IFT46: variants seen among roughly 807,000 people sequenced by gnomAD.
IFT46 encodes intraflagellar transport protein 46 homolog.
Under a neutral mutation model 39.6 loss-of-function variants are expected in IFT46, and 19 were observed. That is an observed-to-expected ratio of 0.48 (90% CI 0.33 to 0.70). The LOEUF (loss-of-function observed/expected upper bound fraction) is 0.70, where lower values mean the gene tolerates loss of function less well. Among genes scored for constraint, IFT46 ranks in the 30% least tolerant of loss-of-function variants. IFT46 has a pLI of 0.01. For missense variants in IFT46, 334 were observed against 364.8 expected, an observed-to-expected ratio of 0.92 and a Z score of 0.69; for synonymous variants, 117 against 134.8, an observed-to-expected ratio of 0.87 and a Z score of 0.91.
chr11:118,561,131 G>C (rs538917493), intron 2 of IFT46: 1 of 1,480,444 alleles, frequency 6.8e-7, no homozygotes, highest in African/African-American at 1.4e-5. Context: ...TTTGGATACA[G>C]GTCTTGCCAG....
At chr11:118,545,293 G>A (rs1951650761) in intron 11 of IFT46, 116 bp downstream of exon 11, 2 of 829,130 alleles carry the variant, frequency 2.4e-6, no homozygotes, top group Non-Finnish European at 4.0e-6. Context: ...AAGGGCGAAG[G>A]TAACTGGGCA....
Position 118,552,230 on chromosome 11 carries a change from T to C in IFT46, c.589A>G (p.Thr197Ala), listed in dbSNP as rs961570694. ...ATTTCTTACCTGGTGTAGTGCACAGTCGCAGGGGGCTTAGAACGGTGTAAT... is the reference window on the plus strand; with the variant it reads ...ATTTCTTACCTGGTGTAGTGCACAGCCGCAGGGGGCTTAGAACGGTGTAAT... Reference protein sequence around the residue: ...SELHRSKPPATVHYTRPMPDI... With the variant: ...SELHRSKPPAAVHYTRPMPDI... Residue 197 changes from threonine (T) to alanine (A), a missense_variant, in exon 8 of 12, where the codon ACT (threonine) becomes GCT (alanine). Physicochemically the swap from Thr to Ala is moderately conservative, Grantham distance 58 (BLOSUM62 0). Transcript: ENST00000264021. 2 of 1,614,142 alleles carry C rather than the reference T, an allele frequency of 1.2e-6. No homozygotes were observed. The highest frequency in any genetic ancestry group is 1.7e-6 in the Non-Finnish European group (2 of 1,180,032).
chr11:118,554,630 CA>C (rs782292215), intron 6 of IFT46, 43 bp from the exon 7 acceptor site: 1 of 1,557,976 alleles, frequency 6.4e-7, no homozygotes, highest in African/African-American at 1.4e-5. Context: ...AAAATGTTTC[CA>C]ATAAGTTAAG....
At chr11:118,575,818 G>T (rs1409693014), upstream of IFT46, among the ~76,000 whole-genome samples, 1 of 152,118 alleles carries the variant, frequency 6.6e-6, no homozygotes, top group Non-Finnish European at 1.5e-5. Context: ...TATACCACCT[G>T]TTATTCTTGT....
rs1951655695 is a variant in IFT46, at chr11:118,545,440, A to G, written c.788T>C (p.Phe263Ser). 6.2e-7 allele frequency: 1 copy of G among 1,613,594 alleles called. No homozygotes were observed. Among genetic ancestry groups the G allele is most frequent in the African/African-American group, 1.3e-5 (1 of 74,922 alleles). ...KSRIQSLHLL[F>S]SLYSEFKNSQ... ...GTTCTTGAATTCTGAGTAGAGGGAA[A>G]AGAGCAGATGGAGGGACTGGATCCG... Residue 263 changes from phenylalanine (F) to serine (S), a missense_variant, in exon 11 of 12, where the codon TTT becomes TCT. By Grantham distance (155) the Phe-to-Ser change is radical (BLOSUM62 -2). Coordinates refer to ENST00000264021, the MANE Select transcript of IFT46 (RefSeq NM_001168618.2).
upstream of IFT46, among the ~76,000 whole-genome samples, chr11:118,575,411 G>GGTGTGTGTGTGTGTGTGTGTGTGT (rs56934953): frequency 8.0e-5 from 12 of 149,188 alleles, no homozygotes; most frequent in African/African-American, 2.9e-4. Flanking sequence ...ACTGATAACG[G>GGTGTGTGTGTGTGTGTGTGTGTGT]GTGTGTGTGT....
intron 6 of IFT46, 98 bp from the exon 7 acceptor site, chr11:118,554,685 C>A: frequency 7.9e-7 from 1 of 1,268,194 alleles, no homozygotes; most frequent in Non-Finnish European, 1.1e-6. Context: ...GTATTAAAAG[C>A]ATGCTTATCA....
intron 4 of IFT46, 94 bp downstream of exon 4, chr11:118,556,812 G>A: frequency 1.4e-6 from 2 of 1,392,186 alleles, no homozygotes; most frequent in Middle Eastern, 2.1e-4. Context: ...CAAAAGAGAT[G>A]CTGGAATTTC....
exon 1 of IFT46, chr11:118,572,775 C>G: frequency 2.0e-6 from 1 of 490,462 alleles, no homozygotes; most frequent in East Asian, 3.4e-5. Flanking sequence ...CGCACCACCC[C>G]CCAACCAGCT....
intron 4 of IFT46, chr11:118,555,738 A>G: frequency 5.8e-6 from 1 of 171,378 alleles, no homozygotes; most frequent in Non-Finnish European, 1.2e-5. Context: ...CCTGGCCAAC[A>G]TGGTTGAAAC....
chr11:118,545,195 C>A (rs1951647162), intron 11 of IFT46, among the ~76,000 whole-genome samples, 184 bp from the exon 12 acceptor site: 1 of 151,456 alleles, frequency 6.6e-6, no homozygotes, highest in Non-Finnish European at 1.5e-5. Context: ...CTAAGGCCCA[C>A]AACTCCTACT....
At chr11:118,557,608 A>T in intron 3 of IFT46, 3 of 1,106,764 alleles carry the variant, frequency 2.7e-6, no homozygotes, top group African/African-American at 1.6e-5. Context: ...ATTTTTGTTC[A>T]GTGATATTTC....
upstream of IFT46, chr11:118,573,070 A>G: frequency 6.2e-6 from 1 of 160,304 alleles, no homozygotes; most frequent in South Asian, 1.8e-4. Flanking sequence ...AGAAGGGGGA[A>G]ATGGAGACAC....
chr11:118,570,542 T>C (rs1555072191), upstream of IFT46, among the ~76,000 whole-genome samples: 1 of 152,194 alleles, frequency 6.6e-6, no homozygotes, highest in Admixed American at 6.5e-5. Context: ...TACTTAATTG[T>C]GGACATACAG....
chr11:118,573,306 G>A (rs1555072808), upstream of IFT46, among the ~76,000 whole-genome samples: 1 of 152,192 alleles, frequency 6.6e-6, no homozygotes, highest in East Asian at 1.9e-4. Flanking sequence ...GCATGTCGTA[G>A]TCAGATGTCT....
At chr11:118,560,090 C>G in intron 2 of IFT46, 1 of 507,532 alleles carries the variant, frequency 2.0e-6, no homozygotes, top group Non-Finnish European at 3.5e-6. Context: ...AGACATTATA[C>G]TATTCAAATT....
At chr11:118,545,351 A>G in intron 11 of IFT46, 58 bp downstream of exon 11, 1 of 1,241,532 alleles carries the variant, frequency 8.1e-7, no homozygotes, top group South Asian at 1.2e-5. Context: ...GGCTCAGAAC[A>G]GTAGAAACTA....
chr11:118,557,705 A>G (rs1555069780), intron 3 of IFT46: 3 of 1,612,508 alleles, frequency 1.9e-6, no homozygotes, highest in African/African-American at 1.3e-5. Flanking sequence ...TCTCAAGATA[A>G]ACAGCTCTTT....
At chr11:118,562,402 C>T (rs1938089689) in intron 2 of IFT46, among the ~76,000 whole-genome samples, 1 of 150,848 alleles carries the variant, frequency 6.6e-6, no homozygotes, top group Admixed American at 6.6e-5. Flanking sequence ...ATCATGCTAC[C>T]GCACTCCAGC....
Sources: allele counts gnomAD v4.1 joint callset (sites outside exome capture counted in the v4.1 genomes callset), GRCh38; gene constraint gnomAD v4.1.1; transcripts MANE v1.5; gene names NCBI Gene and HGNC (gene_info 2026-07-23, HGNC 2026-07-21).